Variants in GRM7 observed in about 807,000 individuals in gnomAD.
GRM7 encodes glutamate metabotropic receptor 7, also known as metabotropic glutamate receptor 7.
A neutral mutation model predicts 84.5 loss-of-function variants in GRM7; 35 were observed. The ratio of observed to expected loss-of-function variants is 0.41; its 90% CI spans 0.32 to 0.55. The LOEUF is 0.55. GRM7 is among the 20% of genes least tolerant of loss of function. The pLI is 0.19. For synonymous variants in GRM7, 487 were observed against 455.1 expected, an observed-to-expected ratio of 1.07 and a Z score of -0.89; for missense variants, 1,003 against 1,194.6, an observed-to-expected ratio of 0.84 and a Z score of 2.36.
chr3:7,661,195 C>T (rs917469183), intron 8 of GRM7, among the ~76,000 whole-genome samples: 2 of 152,000 alleles, frequency 1.3e-5, no homozygotes, highest in Non-Finnish European at 2.9e-5. Context: ...AAATTTTTTG[C>T]GAAGCATGTG....
intron 1 of GRM7, among the ~76,000 whole-genome samples, chr3:7,041,705 G>A (rs1371533687): frequency 6.6e-6 from 1 of 152,150 alleles, no homozygotes; most frequent in Non-Finnish European, 1.5e-5. Context: ...CTGTTTCCTG[G>A]AATTTAACAC....
intron 2 of GRM7, among the ~76,000 whole-genome samples, chr3:7,198,844 A>C (rs1329513157): frequency 6.6e-6 from 1 of 152,194 alleles, no homozygotes; most frequent in African/African-American, 2.4e-5. Context: ...GTACATTTAG[A>C]GTGTTACGTT....
intron 4 of GRM7, among the ~76,000 whole-genome samples, chr3:7,309,545 C>T (rs764566873): frequency 6.6e-6 from 1 of 152,100 alleles, no homozygotes; most frequent in African/African-American, 2.4e-5. Context: ...AAAAGCCAAT[C>T]AGTAATCTAC....
intron 1 of GRM7, among the ~76,000 whole-genome samples, chr3:7,062,934 C>T (rs939147309): frequency 3.3e-5 from 5 of 151,662 alleles, no homozygotes; most frequent in Non-Finnish European, 7.4e-5. Flanking sequence ...AATAAAACTC[C>T]TAGTTGAAGG....
intron 1 of GRM7, among the ~76,000 whole-genome samples, chr3:6,965,820 C>T (rs536243606): frequency 6.6e-6 from 1 of 152,302 alleles, no homozygotes; most frequent in Non-Finnish European, 1.5e-5. Flanking sequence ...GTTCTGCTCG[C>T]ATCCATCTGA....
At chr3:7,006,905 A>G (rs915448659) in intron 1 of GRM7, among the ~76,000 whole-genome samples, 2 of 152,244 alleles carry the variant, frequency 1.3e-5, no homozygotes, top group Non-Finnish European at 2.9e-5. Context: ...GGATTGACAA[A>G]TAATAACGAT....
At chr3:7,512,028 C>G (rs2124978421) in intron 7 of GRM7, among the ~76,000 whole-genome samples, 1 of 152,010 alleles carries the variant, frequency 6.6e-6, no homozygotes, top group Non-Finnish European at 1.5e-5. Flanking sequence ...TAATGAAGTC[C>G]CAGCTACTTG....
At chr3:6,887,301 A>T (rs975073309) in intron 1 of GRM7, among the ~76,000 whole-genome samples, 1 of 151,932 alleles carries the variant, frequency 6.6e-6, no homozygotes, top group Non-Finnish European at 1.5e-5. Flanking sequence ...ACATATGTAT[A>T]CATGTGCCAT....
intron 1 of GRM7, among the ~76,000 whole-genome samples, chr3:7,073,837 G>A (rs1697967369): frequency 6.8e-6 from 1 of 147,598 alleles, no homozygotes; most frequent in African/African-American, 2.6e-5. Flanking sequence ...TCTTAGAGTA[G>A]AGCTACCTAA....
chr3:7,359,341 T>C (rs1384654615), intron 4 of GRM7, among the ~76,000 whole-genome samples: 1 of 137,530 alleles, frequency 7.3e-6, no homozygotes, highest in African/African-American at 2.8e-5. Context: ...CTCTTTTTTT[T>C]TTTTTTTTTT....
chr3:7,483,793 A>G (rs1044560122), intron 7 of GRM7, among the ~76,000 whole-genome samples: 2 of 151,932 alleles, frequency 1.3e-5, no homozygotes, highest in African/African-American at 4.8e-5. Flanking sequence ...ATCTATGTAT[A>G]TATGTTATAT....
At chr3:7,737,709 A>G (rs542016478) in intron 9 of GRM7, among the ~76,000 whole-genome samples, 52 of 152,366 alleles carry the variant, frequency 3.4e-4, no homozygotes, top group South Asian at 8.3e-4. Context: ...CAAAGAAAGC[A>G]TGTACTAAGC....
intron 9 of GRM7, among the ~76,000 whole-genome samples, chr3:7,686,915 A>T (rs905340282): frequency 6.6e-6 from 1 of 152,224 alleles, no homozygotes; most frequent in Non-Finnish European, 1.5e-5. Flanking sequence ...AAAGAAGTGT[A>T]CACATTCCTA....
At chr3:7,145,745 T>C (rs1293957610) in intron 1 of GRM7, among the ~76,000 whole-genome samples, 1 of 152,084 alleles carries the variant, frequency 6.6e-6, no homozygotes, top group Admixed American at 6.6e-5. Flanking sequence ...AGGGAAAAGA[T>C]AGAAATCAGA....
chr3:7,246,342 T>A (rs891094001), intron 2 of GRM7, among the ~76,000 whole-genome samples: 1 of 152,170 alleles, frequency 6.6e-6, no homozygotes, highest in Non-Finnish European at 1.5e-5. Context: ...CTTTCCTTAG[T>A]GAATGAATTC....
chr3:7,116,704 C>G (rs1693045309), intron 1 of GRM7, among the ~76,000 whole-genome samples: 2 of 152,148 alleles, frequency 1.3e-5, no homozygotes, highest in African/African-American at 4.8e-5. Flanking sequence ...TGCTCAAAAT[C>G]TAAACCTTCC....
At chr3:7,328,431 A>G (rs1701067723) in intron 4 of GRM7, among the ~76,000 whole-genome samples, 1 of 152,164 alleles carries the variant, frequency 6.6e-6, no homozygotes, top group African/African-American at 2.4e-5. Flanking sequence ...TGCTGCTTTG[A>G]GATGGCCAGG....
chr3:7,187,226 A>C (rs534305984), intron 2 of GRM7, among the ~76,000 whole-genome samples: 22 of 146,578 alleles, frequency 1.5e-4, no homozygotes, highest in South Asian at 1.0e-3. Flanking sequence ...CACACACACA[A>C]AATCTTGTCC....
At chr3:7,506,072 T>C (rs966447679) in intron 7 of GRM7, among the ~76,000 whole-genome samples, 1 of 152,218 alleles carries the variant, frequency 6.6e-6, no homozygotes, top group Non-Finnish European at 1.5e-5. Flanking sequence ...AAATAGCCAT[T>C]AAGCAGCCTG....
Sources: gnomAD v4.1 joint callset for allele counts (sites outside exome capture counted in the v4.1 genomes callset) on GRCh38, gnomAD v4.1.1 for gene constraint, MANE v1.5 for transcripts, NCBI Gene and HGNC (gene_info 2026-07-23, HGNC 2026-07-21) for gene names.